PRKG1: variants seen among roughly 807,000 people sequenced by gnomAD.
PRKG1 encodes the protein cGMP-dependent protein kinase 1.
In PRKG1, 35 loss-of-function variants were observed where a neutral mutation model predicts 88.1. That is an observed-to-expected ratio of 0.40 (90% CI 0.30 to 0.53). The LOEUF (loss-of-function observed/expected upper bound fraction) is 0.53. PRKG1 is among the 20% of genes least tolerant of loss of function. PRKG1 has a pLI of 0.59. For synonymous variants in PRKG1, 303 were observed against 292.5 expected (o/e 1.04, Z -0.37); for missense variants, 540 against 839.8 (o/e 0.64, Z 4.41).
At chr10:51,921,303 G>A (rs1842458123) in intron 5 of PRKG1, among the ~76,000 whole-genome samples, 4 of 152,056 alleles carry the variant, frequency 2.6e-5, no homozygotes, top group Admixed American at 2.0e-4. Flanking sequence ...AGTTCCAGGA[G>A]TCATTTGGTC....
intron 7 of PRKG1, among the ~76,000 whole-genome samples, chr10:52,102,817 C>T (rs140309531): frequency 5.6e-4 from 85 of 152,066 alleles, no homozygotes; most frequent in African/African-American, 2.0e-3. Context: ...CTAAAGACTG[C>T]TTTTGAATTA....
intron 4 of PRKG1, among the ~76,000 whole-genome samples, chr10:51,869,581 C>G (rs1841105522): frequency 6.6e-6 from 1 of 152,050 alleles, no homozygotes; most frequent in Admixed American, 6.6e-5. Flanking sequence ...TCTGGCTTAC[C>G]ATCATTTTTT....
intron 2 of PRKG1, among the ~76,000 whole-genome samples, chr10:51,330,311 T>A (rs1429776457): frequency 6.6e-6 from 1 of 151,570 alleles, no homozygotes; most frequent in Non-Finnish European, 1.5e-5. Flanking sequence ...CAACCATGCC[T>A]GGCTAATTTT....
At chr10:51,401,932 T>A (rs1438251129) in intron 2 of PRKG1, among the ~76,000 whole-genome samples, 2 of 152,216 alleles carry the variant, frequency 1.3e-5, no homozygotes, top group African/African-American at 4.8e-5. Context: ...AAAATGAGTT[T>A]TGTGCAGTGT....
At chr10:51,007,829 A>G (rs1294826788) in intron 1 of PRKG1, among the ~76,000 whole-genome samples, 3 of 152,244 alleles carry the variant, frequency 2.0e-5, no homozygotes, top group Non-Finnish European at 1.5e-5. Context: ...AAAGTAGGAA[A>G]TACTAATTCA....
At chr10:52,058,138 T>G (rs953189015) in intron 6 of PRKG1, among the ~76,000 whole-genome samples, 1 of 152,026 alleles carries the variant, frequency 6.6e-6, no homozygotes, top group Non-Finnish European at 1.5e-5. Context: ...TTAATGGAAC[T>G]GTTCTATATC....
chr10:51,241,678 G>T (rs1398567455), intron 2 of PRKG1, among the ~76,000 whole-genome samples: 1 of 152,104 alleles, frequency 6.6e-6, no homozygotes, highest in Non-Finnish European at 1.5e-5. Context: ...GGTTGCAATT[G>T]TTGTCAACTA....
chr10:51,837,673 G>A (rs1453733608), intron 4 of PRKG1, among the ~76,000 whole-genome samples: 4 of 152,020 alleles, frequency 2.6e-5, no homozygotes, highest in Non-Finnish European at 5.9e-5. Flanking sequence ...ACATGCATTT[G>A]TCTCTCCAGT....
In PRKG1 at chr10:51,221,996, T is replaced by C. The variant is rs544959684; in HGVS notation, c.478+68666T>C. On this transcript the variant is annotated intron_variant, in intron 2 of 17. Transcript: ENST00000373980. ...TTCAAGCAATTCTCCTGCCTTGGCC[T>C]CCCGAGTAGCTGAGATTACAGGTGC... 2.6e-5 allele frequency among the ~76,000 whole-genome samples: 4 copies of C among 151,118 alleles called. No homozygotes were observed. The Admixed American group carries it at 2.6e-4, about 10-fold the overall frequency.
intron 9 of PRKG1, among the ~76,000 whole-genome samples, chr10:52,212,876 C>T (rs1054548960): frequency 1.5e-4 from 23 of 152,144 alleles, no homozygotes; most frequent in East Asian, 1.2e-3. Context: ...TCAAATTTAC[C>T]TTCAGTGAAA....
chr10:51,511,173 C>T (rs1192503043), intron 3 of PRKG1, among the ~76,000 whole-genome samples: 1 of 152,078 alleles, frequency 6.6e-6, no homozygotes, highest in Non-Finnish European at 1.5e-5. Context: ...TGCTAGACTC[C>T]TATAACATTT....
intron 3 of PRKG1, among the ~76,000 whole-genome samples, chr10:51,676,537 A>C (rs2132358489): frequency 6.6e-6 from 1 of 152,272 alleles, no homozygotes; most frequent in South Asian, 2.1e-4. Flanking sequence ...ATGATCAAAA[A>C]GTATGTAGGA....
intron 3 of PRKG1, among the ~76,000 whole-genome samples, chr10:51,635,704 A>G (rs1173555691): frequency 6.6e-6 from 1 of 152,172 alleles, no homozygotes; most frequent in Non-Finnish European, 1.5e-5. Flanking sequence ...TCTTCCAAGA[A>G]ACTTAATGTA....
rs529849659 is a variant in PRKG1, at chr10:51,375,171, G to A, written c.479-92552G>A. ...TATCAGGATGTAGAGATAATCAGGGGTCATCTTAGAGTCTATCTGCTACTG... is the reference window on the plus strand; with the variant it reads ...TATCAGGATGTAGAGATAATCAGGGATCATCTTAGAGTCTATCTGCTACTG... On this transcript the variant is annotated intron_variant, in intron 2 of 17. Transcript: ENST00000373980. 2.9e-3 allele frequency among the ~76,000 whole-genome samples: 437 copies of A among 152,266 alleles called. 2 individuals are homozygous for A. The highest frequency in any genetic ancestry group is 0.01 in the African/African-American group (419 of 41,556).
At chr10:51,309,465 T>C (rs935598068) in intron 2 of PRKG1, among the ~76,000 whole-genome samples, 3 of 152,072 alleles carry the variant, frequency 2.0e-5, no homozygotes, top group African/African-American at 7.2e-5. Context: ...AAAGAAGATA[T>C]ACAAATGGTC....
chr10:51,837,953 A>G (rs1163119085), intron 4 of PRKG1, among the ~76,000 whole-genome samples: 1 of 152,148 alleles, frequency 6.6e-6, no homozygotes, highest in African/African-American at 2.4e-5. Flanking sequence ...TGCTGCATCC[A>G]TTGTTCGTCA....
chr10:51,463,997 T>C (rs979304299), intron 2 of PRKG1, among the ~76,000 whole-genome samples: 3 of 151,942 alleles, frequency 2.0e-5, no homozygotes, highest in Non-Finnish European at 4.4e-5. Context: ...TTGGACGGGG[T>C]GCGATAGCTC....
intron 2 of PRKG1, among the ~76,000 whole-genome samples, chr10:51,234,406 CA>C (rs1435316217): frequency 1.3e-5 from 2 of 152,254 alleles, no homozygotes; most frequent in Admixed American, 1.3e-4. Flanking sequence ...AACCTGTTCA[CA>C]AAGATATCTA....
At chr10:51,118,538 C>G (rs1249957119) in intron 1 of PRKG1, among the ~76,000 whole-genome samples, 1 of 152,122 alleles carries the variant, frequency 6.6e-6, no homozygotes, top group Admixed American at 6.6e-5. Context: ...GTACTTTTAT[C>G]TGTGCCAAAT....
Sources: gnomAD v4.1 joint callset for allele counts (sites outside exome capture counted in the v4.1 genomes callset) on GRCh38, gnomAD v4.1.1 for gene constraint, MANE v1.5 for transcripts, NCBI Gene and HGNC (gene_info 2026-07-23, HGNC 2026-07-21) for gene names.